The following MTOR variants were observed in gnomAD, a reference collection of about 807,000 sequenced individuals.
MTOR encodes serine/threonine-protein kinase mTOR.
In MTOR, 70 loss-of-function variants were observed where a neutral mutation model predicts 319.8. The observed-to-expected ratio is 0.22, with a 90% confidence interval of 0.18 to 0.27. MTOR has a LOEUF of 0.27. MTOR is among the 10% of genes least tolerant of loss of function. MTOR has a pLI of 1.00. For missense variants in MTOR, 1,890 were observed against 3,274.4 expected (o/e 0.58, Z 10.32); for synonymous variants, 1,183 against 1,211.4 (o/e 0.98, Z 0.49).
chr1:11,172,109 G>A (rs1050385257), intron 28 of MTOR, among the ~76,000 whole-genome samples: 2 of 152,086 alleles, frequency 1.3e-5, no homozygotes, highest in Non-Finnish European at 2.9e-5. Flanking sequence ...TGTGGAGGCA[G>A]GTCAGGCTGC....
chr1:11,257,247 G>A (rs2100979276), intron 3 of MTOR, 82 bp from the exon 4 acceptor site: 2 of 1,267,438 alleles, frequency 1.6e-6, no homozygotes, highest in Non-Finnish European at 2.2e-6. Context: ...AAAAGCTGGT[G>A]AGTGCCGGCC....
rs1259529663 is a variant in MTOR at position 11,196,913 on chromosome 1, T to C, written c.4253+2345A>G. Among the ~76,000 whole-genome samples the C allele has an allele frequency of 2.0e-5, 3 of 151,742 alleles. No individual in the cohort carries two copies. In the East Asian group the frequency reaches 5.8e-4, roughly 29 times the overall value. On this transcript the variant is annotated intron_variant, in intron 28 of 57. Coordinates refer to ENST00000361445, the MANE Select transcript of MTOR (RefSeq NM_004958.4). ...GAACAAAGATGTTTTTGTGTAGGGC[T>C]ACCCTAATTGTTTCAAAAAGAATTT...
rs2100856505 is a variant in MTOR at position 11,228,871 on chromosome 1, G to A, written c.2827C>T (p.Leu943=). The A allele has an allele frequency of 6.2e-7, 1 of 1,614,208 alleles. No individual in the cohort carries two copies. The highest frequency in any genetic ancestry group is 1.7e-5 in the Admixed American group (1 of 60,020). The change falls in exon 19 of 58, where the codon CTG becomes TTG. Residue 943 remains leucine (L), a synonymous_variant. Coordinates refer to ENST00000361445, the MANE Select transcript of MTOR (RefSeq NM_004958.4). Reference sequence around the variant, plus strand: ...GACACAGCTGGGTAGAACTCATCCAGAGGCAAGTTTCCCATGTTGACCAGC... The same window carrying A: ...GACACAGCTGGGTAGAACTCATCCAAAGGCAAGTTTCCCATGTTGACCAGC... ...EMLVNMGNLP[L]DEFYPAVSMV... is the part of the protein sequence containing the mutation.
chr1:11,242,470 G>A (rs1177365144), intron 9 of MTOR, among the ~76,000 whole-genome samples: 13 of 133,324 alleles, frequency 9.8e-5, no homozygotes, highest in Admixed American at 2.8e-4. Flanking sequence ...ACTGCACTCC[G>A]GCCTGGGCAA....
At chr1:11,194,400 A>T (rs1645692467) in intron 28 of MTOR, 1 of 1,518,904 alleles carries the variant, frequency 6.6e-7, no homozygotes, top group Non-Finnish European at 9.1e-7. Flanking sequence ...GAGAAGGGGT[A>T]TAGAGACAGC....
intron 49 of MTOR, among the ~76,000 whole-genome samples, chr1:11,118,438 C>T (rs1360813634): frequency 1.0e-3 from 158 of 151,156 alleles, no homozygotes; most frequent in African/African-American, 3.8e-3. Flanking sequence ...GGTTTCACCA[C>T]GTTGGTCAGG....
rs757187258 is a variant in MTOR at position 11,212,888 on chromosome 1, C to T, written c.3306G>A (p.Leu1102=). Residue 1102 remains leucine (L), a synonymous_variant, in exon 22 of 58, where the codon CTG becomes CTA. Coordinates refer to ENST00000361445, the MANE Select transcript of MTOR (RefSeq NM_004958.4). The surrounding 1 kb of genome is among the most constrained non-coding windows in gnomAD (Gnocchi z 4.1). ...GGTAGTCATCCAGGTTGGCGCCAAA[C>T]AGCTGGATTGCAGCCAGTAACTGCA... ...VSIKLLAAIQ[L]FGANLDDYLH... is the part of the protein sequence containing the mutation. 5.6e-6 allele frequency: 9 copies of T among 1,614,080 alleles called. No homozygotes were observed. The South Asian group carries it at 9.9e-5, about 18-fold the overall frequency.
chr1:11,193,791 G>A, intron 28 of MTOR: 1 of 1,613,398 alleles, frequency 6.2e-7, no homozygotes, highest in African/African-American at 1.3e-5. Flanking sequence ...ACAAGGCCAG[G>A]GGCCCCATGA....
At chr1:11,126,163 G>A (rs1046036556) in intron 46 of MTOR, among the ~76,000 whole-genome samples, 2 of 150,406 alleles carry the variant, frequency 1.3e-5, no homozygotes, top group East Asian at 3.9e-4. Flanking sequence ...GAGCCCACTT[G>A]CTTAACAAAT....
rs1642516518 is a variant in MTOR, at chr1:11,121,398, G to A, written c.6811-30C>T. Reference sequence around the variant, plus strand: ...ATCAGGACACAACTGTTCAGTAAGAGAGCAGCCTAAGACATGTAGTTTGGG... The same window carrying A: ...ATCAGGACACAACTGTTCAGTAAGAAAGCAGCCTAAGACATGTAGTTTGGG... On this transcript the variant is annotated intron_variant, in intron 48 of 57. Transcript: ENST00000361445. This position sits in a 1 kb window ranked among gnomAD's most constrained non-coding sequence, Gnocchi z 4.9. 1.2e-6 allele frequency: 2 copies of A among 1,613,148 alleles called. No homozygotes were observed. Among genetic ancestry groups the A allele is most frequent in the South Asian group, 1.1e-5 (1 of 91,026 alleles).
chr1:11,241,654 G>A lies in MTOR; in HGVS notation c.1440C>T (p.Ala480=). The A allele has an allele frequency of 1.9e-6, 3 of 1,613,820 alleles. No homozygotes were observed. Among genetic ancestry groups the A allele is most frequent in the Non-Finnish European group, 2.5e-6 (3 of 1,179,756 alleles). ...HKRQKAMQVD[A]TVFTCISMLA... is the part of the protein sequence containing the mutation. ...GCATGCTGATGCAAGTGAAGACTGT[G>A]GCATCCACCTGCATTGCCTTCTGCC... Residue 480 remains alanine, a synonymous_variant, in exon 10 of 58, where the codon GCC becomes GCT. Transcript: ENST00000361445.
Position 11,127,826 on chromosome 1 carries a change from G to A in MTOR, c.6034-20C>T, listed in dbSNP as rs187701771. The A allele has an allele frequency of 2.2e-5, 35 of 1,606,500 alleles. No individual in the cohort carries two copies. In the South Asian group the frequency reaches 3.1e-4, roughly 14 times the overall value. ...GCTCACCTGAAGCCAAGAGAAGAAGGAGAGAAGCATCAAGAATCAGCTAAC... is the reference window on the plus strand; with the variant it reads ...GCTCACCTGAAGCCAAGAGAAGAAGAAGAGAAGCATCAAGAATCAGCTAAC... On this transcript the variant is annotated intron_variant, in intron 43 of 57. Coordinates refer to ENST00000361445, the MANE Select transcript of MTOR (RefSeq NM_004958.4). This position sits in a 1 kb window ranked among gnomAD's most constrained non-coding sequence, Gnocchi z 5.5.
Position 11,129,888 on chromosome 1 carries a change from C to T in MTOR, c.5614-50G>A, listed in dbSNP as rs1643029601. 3 of 1,534,158 alleles carry T rather than the reference C, an allele frequency of 2.0e-6. No individual in the cohort carries two copies. ...GACACTCTTGCCTCTGCTTTCTCAT[C>T]TGTAAAATGGGCATAAGAGCATACT... On this transcript the variant is annotated intron_variant, in intron 39 of 57. Transcript: ENST00000361445. This position sits in a 1 kb window ranked among gnomAD's most constrained non-coding sequence, Gnocchi z 4.7.
intron 23 of MTOR, 31 bp from the exon 24 acceptor site, chr1:11,210,937 T>G: frequency 4.4e-6 from 6 of 1,364,840 alleles, no homozygotes; most frequent in Non-Finnish European, 6.3e-6. Flanking sequence ...GATGAGAAAC[T>G]ATCATTTTGG....
intron 28 of MTOR, chr1:11,189,735 C>G: frequency 2.5e-6 from 4 of 1,614,156 alleles, no homozygotes; most frequent in Non-Finnish European, 1.7e-6. Flanking sequence ...TGAAGGAGCT[C>G]AAGGCCCAAG....
chr1:11,108,091 C>T (rs1457234565), intron 57 of MTOR, 90 bp downstream of exon 57: 5 of 1,016,822 alleles, frequency 4.9e-6, no homozygotes, highest in South Asian at 4.1e-5. Flanking sequence ...AGATACCTCA[C>T]CAAATCTCTT....
chr1:11,191,076 T>C (rs1456688414), intron 28 of MTOR, among the ~76,000 whole-genome samples: 1 of 152,162 alleles, frequency 6.6e-6, no homozygotes, highest in Non-Finnish European at 1.5e-5. Flanking sequence ...AAACCAGACA[T>C]GCGGAAGACC....
intron 28 of MTOR, among the ~76,000 whole-genome samples, chr1:11,198,843 C>T (rs1299605962): frequency 1.3e-5 from 2 of 152,184 alleles, no homozygotes; most frequent in Non-Finnish European, 2.9e-5. Flanking sequence ...ATGCAGGCAT[C>T]AATAGATTTA....
Position 11,241,639 on chromosome 1 carries a change from G to C in MTOR, c.1455C>G (p.Cys485Trp). 1 of 1,614,052 alleles carries C rather than the reference G, an allele frequency of 6.2e-7. No individual in the cohort carries two copies. The highest frequency in any genetic ancestry group is 8.5e-7 in the Non-Finnish European group (1 of 1,179,928). Residue 485 changes from cysteine (C) to tryptophan (W), a missense_variant, in exon 10 of 58, where the codon TGC (cysteine) becomes TGG (tryptophan). Physicochemically the swap from Cys to Trp is radical, Grantham distance 215. Around this residue, in one of 15 missense-constraint regions of MTOR, gnomAD observed 418 missense variants for 543.1 expected, o/e 0.77. Coordinates refer to ENST00000361445, the MANE Select transcript of MTOR (RefSeq NM_004958.4). ...AMQVDATVFT[C>W]ISMLARAMGP... ...CCATTGCTCGAGCCAGCATGCTGAT[G>C]CAAGTGAAGACTGTGGCATCCACCT...
Sources: allele counts gnomAD v4.1 joint callset (sites outside exome capture counted in the v4.1 genomes callset), GRCh38; gene constraint gnomAD v4.1.1; regional missense constraint gnomAD v4.1.1; non-coding constraint Gnocchi (gnomAD v3.1); transcripts MANE v1.5; gene names NCBI Gene and HGNC (gene_info 2026-07-23, HGNC 2026-07-21).